The following ABCA3 variants were observed in gnomAD, a reference collection of about 807,000 sequenced individuals.
ABCA3 encodes phospholipid-transporting ATPase ABCA3.
Under a neutral mutation model 172.8 loss-of-function variants are expected in ABCA3, and 88 were observed. That is an observed-to-expected ratio of 0.51 (90% CI 0.43 to 0.61). The LOEUF (loss-of-function observed/expected upper bound fraction) is 0.61, where lower values mean the gene tolerates loss of function less well. Among genes scored for constraint, ABCA3 ranks in the 20% least tolerant of loss-of-function variants. The probability of loss-of-function intolerance (pLI) is 0.00; values close to 1 mark genes in which losing one functional copy is unlikely to be tolerated. For synonymous variants in ABCA3, 1,066 were observed against 983.8 expected, an observed-to-expected ratio of 1.08 and a Z score of -1.56; for missense variants, 2,164 against 2,301.0, an observed-to-expected ratio of 0.94 and a Z score of 1.22.
chr16:2,309,136 T>C (rs539082342), intron 10 of ABCA3, among the ~76,000 whole-genome samples: 5 of 152,180 alleles, frequency 3.3e-5, no homozygotes, highest in East Asian at 3.9e-4. Context: ...TTAGTAGAGA[T>C]AGGGTTTCAC....
intron 10 of ABCA3, among the ~76,000 whole-genome samples, chr16:2,310,364 G>C (rs2093704625): frequency 6.6e-6 from 1 of 151,476 alleles, no homozygotes; most frequent in African/African-American, 2.4e-5. Flanking sequence ...GCCGAGATCG[G>C]GTCACTGCAC....
At chr16:2,304,460 C>T (rs1420624588) in intron 11 of ABCA3, among the ~76,000 whole-genome samples, 9 of 148,518 alleles carry the variant, frequency 6.1e-5, no homozygotes, top group Admixed American at 3.4e-4. Flanking sequence ...TCTATGATTT[C>T]GGTAAGGCCA....
chr16:2,299,964 C>T, intron 13 of ABCA3, 41 bp downstream of exon 13: 1 of 1,609,406 alleles, frequency 6.2e-7, no homozygotes, highest in Non-Finnish European at 8.5e-7. Context: ...TCCCATGGTC[C>T]TGGCAGCCCC....
At chr16:2,310,744 C>T (rs767438226) in intron 10 of ABCA3, among the ~76,000 whole-genome samples, 2 of 151,990 alleles carry the variant, frequency 1.3e-5, no homozygotes, top group African/African-American at 4.8e-5. Flanking sequence ...TGGGCTTGAA[C>T]TCCTGGGCAC....
chr16:2,319,829 C>T lies in ABCA3; in HGVS notation c.625G>A (p.Glu209Lys). Reference sequence around the variant, plus strand: ...GCATGCTGCACGGCCAGGAAGCCTTCCCGGATGTACCCTGGGTGCGGGAGC... The same window carrying T: ...GCATGCTGCACGGCCAGGAAGCCTTTCCGGATGTACCCTGGGTGCGGGAGC... The part of the protein sequence containing the change: ...PDGGEPGYIR[E>K]GFLAVQHAVD... Residue 209 changes from glutamate to lysine, a missense_variant, in exon 8 of 33, where the codon GAA (glutamate) becomes AAA (lysine). By Grantham distance (56) the Glu-to-Lys change is moderately conservative (BLOSUM62 1). Transcript: ENST00000301732. 1 of 1,613,770 alleles carries T rather than the reference C, an allele frequency of 6.2e-7. No individual in the cohort carries two copies. Among genetic ancestry groups the T allele is most frequent in the Non-Finnish European group, 8.5e-7 (1 of 1,180,016 alleles).
In ABCA3 at chr16:2,297,317, C is replaced by T. The variant is rs1173660258; in HGVS notation, c.2263+12G>A. The stretch of plus-strand genomic sequence containing the variant: ...GACACCGACCCTGTCGCGGGCTGGC[C>T]CCACCGCTCACCGTATTTCTGCTTG... On this transcript the variant is annotated intron_variant, in intron 17 of 32. Transcript: ENST00000301732. This position sits in a 1 kb window ranked among gnomAD's most constrained non-coding sequence, Gnocchi z 5.6. 6.2e-7 allele frequency: 1 copy of T among 1,609,200 alleles called. No individual in the cohort carries two copies. The highest frequency in any genetic ancestry group is 1.1e-5 in the South Asian group (1 of 90,972).
chr16:2,289,164 CTCA>C, intron 20 of ABCA3: 1 of 521,674 alleles, frequency 1.9e-6, no homozygotes, highest in Non-Finnish European at 3.4e-6. Context: ...GCTAGAGAGC[CTCA>C]TCAACACAGA....
chr16:2,308,350 A>G (rs2093701032), intron 11 of ABCA3, 100 bp downstream of exon 11: 10 of 1,471,210 alleles, frequency 6.8e-6, no homozygotes, highest in Non-Finnish European at 9.4e-6. Flanking sequence ...CTGCCTGCCA[A>G]CCGTCCCAGG....
chr16:2,317,543 G>C (rs988767540), intron 9 of ABCA3, 105 bp downstream of exon 9: 2 of 1,580,826 alleles, frequency 1.3e-6, no homozygotes, highest in African/African-American at 2.7e-5. Flanking sequence ...ATGAGGGACA[G>C]ACTCTCTCTG....
chr16:2,284,198 C>T lies in ABCA3; in HGVS notation c.3862+81G>A. On this transcript the variant is annotated intron_variant, in intron 25 of 32. Transcript: ENST00000301732. The surrounding 1 kb of genome is among the most constrained non-coding windows in gnomAD (Gnocchi z 5.9). ...CAGGCCACTCAGACGCAGAGGAGCC[C>T]CTGCCCTAGGAGGCCCCTCTGCAGT... 6.7e-7 allele frequency: 1 copy of T among 1,498,252 alleles called. No homozygotes were observed. Among genetic ancestry groups the T allele is most frequent in the South Asian group, 1.3e-5 (1 of 78,200 alleles). The allele number at this position is 1,498,252 out of a possible 1,614,324, so 92.8% of individuals were successfully genotyped here.
intron 19 of ABCA3, among the ~76,000 whole-genome samples, chr16:2,291,335 GA>G (rs949166251): frequency 4.0e-5 from 6 of 151,798 alleles, no homozygotes; most frequent in African/African-American, 1.5e-4. Flanking sequence ...CAAAAAAAAA[GA>G]GATGGGATTT....
rs1400104955 is a variant in ABCA3, at chr16:2,298,032, G to C, written c.1897-111C>G. The C allele has an allele frequency of 5.1e-5, 43 of 837,690 alleles. 14 individuals carry two copies. In the South Asian group the frequency reaches 9.8e-4, roughly 19 times the overall value. 51.9% of individuals were successfully genotyped at this position (837,690 alleles called of 1,614,324 possible). ...TCCTTGACGTAGCTGGGGAGATGCA[G>C]GGCTCCTGGCGGGAGGCCGACCACG... On this transcript the variant is annotated intron_variant, in intron 15 of 32. Coordinates refer to ENST00000301732, the MANE Select transcript of ABCA3 (RefSeq NM_001089.3).
Position 2,284,168 on chromosome 16 carries a change from A to T in ABCA3, c.3862+111T>A. 7.3e-7 allele frequency: 1 copy of T among 1,361,376 alleles called. No individual in the cohort carries two copies. Among genetic ancestry groups the T allele is most frequent in the Non-Finnish European group, 9.9e-7 (1 of 1,010,004 alleles). The allele number at this position is 1,361,376 out of a possible 1,614,324, so 84.3% of individuals were successfully genotyped here. On this transcript the variant is annotated intron_variant, in intron 25 of 32. Coordinates refer to ENST00000301732, the MANE Select transcript of ABCA3 (RefSeq NM_001089.3). The surrounding 1 kb of genome is among the most constrained non-coding windows in gnomAD (Gnocchi z 5.9). ...GCAAGGCGGTACAGAGGAACGCACCAGCCCCAGGCCACTCAGACGCAGAGG... is the reference window on the plus strand; with the variant it reads ...GCAAGGCGGTACAGAGGAACGCACCTGCCCCAGGCCACTCAGACGCAGAGG...
chr16:2,297,398 G>T lies in ABCA3; in HGVS notation c.2194C>A (p.Arg732Ser). The T allele has an allele frequency of 5.6e-6, 9 of 1,613,502 alleles. No homozygotes were observed. Among genetic ancestry groups the T allele is most frequent in the Non-Finnish European group, 6.8e-6 (8 of 1,179,984 alleles). ...TCCCCCTTGGCCATGATGGCGATGCGGTCTCCCAGCAGGTCAGCCTCGTCC... is the reference window on the plus strand; with the variant it reads ...TCCCCCTTGGCCATGATGGCGATGCTGTCTCCCAGCAGGTCAGCCTCGTCC... ...FMDEADLLGD[R>S]IAIMAKGELQ... Residue 732 changes from arginine to serine, a missense_variant, in exon 17 of 33, where the codon CGC becomes AGC. Physicochemically the swap from Arg to Ser is moderately radical, Grantham distance 110. Coordinates refer to ENST00000301732, the MANE Select transcript of ABCA3 (RefSeq NM_001089.3). This position sits in a 1 kb window ranked among gnomAD's most constrained non-coding sequence, Gnocchi z 5.6.
In ABCA3 at chr16:2,284,963, C is replaced by A. The variant is rs202000806; in HGVS notation, c.3519G>T (p.Thr1173=). ...GGGTGTCAGCCATGTGGCCGTCCCGCGTGAAGGCACGCACGTCGAAGGCCT... is the reference window on the plus strand; with the variant it reads ...GGGTGTCAGCCATGTGGCCGTCCCGAGTGAAGGCACGCACGTCGAAGGCCT... ...VFKAFDVRAF[T]RDGHMADTLL... Residue 1173 remains threonine (T), a synonymous_variant, in exon 24 of 33, where the codon ACG becomes ACT. Coordinates refer to ENST00000301732, the MANE Select transcript of ABCA3 (RefSeq NM_001089.3). The surrounding 1 kb of genome is among the most constrained non-coding windows in gnomAD (Gnocchi z 5.9). The A allele has an allele frequency of 1.9e-6, 3 of 1,613,584 alleles. No individual in the cohort carries two copies. The African/African-American group carries it at 4.0e-5, about 22-fold the overall frequency.
In ABCA3 at chr16:2,285,393, G is replaced by C. The variant is rs771628496; in HGVS notation, c.3483+49C>G. ...GTTCTGCACAGGGGTCCCAGGGCAA[G>C]CCCTCTGCGGTCTGCAGGGGAACGG... On this transcript the variant is annotated intron_variant, in intron 23 of 32. Transcript: ENST00000301732. The surrounding 1 kb of genome is among the most constrained non-coding windows in gnomAD (Gnocchi z 4.7). 1.9e-6 allele frequency: 3 copies of C among 1,555,836 alleles called. No individual in the cohort carries two copies. The Admixed American group carries it at 5.7e-5, about 30-fold the overall frequency.
At chr16:2,294,174 C>T (rs1283121220) in intron 18 of ABCA3, among the ~76,000 whole-genome samples, 10 of 150,704 alleles carry the variant, frequency 6.6e-5, no homozygotes, top group East Asian at 2.0e-4. Flanking sequence ...CCCACCACCA[C>T]GCCCGGCTAA....
At chr16:2,335,967 C>T (rs1017048188) in intron 1 of ABCA3, among the ~76,000 whole-genome samples, 3 of 152,182 alleles carry the variant, frequency 2.0e-5, no homozygotes, top group Admixed American at 6.5e-5. Flanking sequence ...GTTCCAAATC[C>T]GGAGACATTT....
chr16:2,293,034 A>G (rs1307602046), intron 18 of ABCA3, among the ~76,000 whole-genome samples: 1 of 152,168 alleles, frequency 6.6e-6, no homozygotes, highest in African/African-American at 2.4e-5. Flanking sequence ...ACAGGAGGTT[A>G]ATTCCTTGAA....
Sources: gnomAD v4.1 joint callset for allele counts (sites outside exome capture counted in the v4.1 genomes callset) on GRCh38, gnomAD v4.1.1 for gene constraint, Gnocchi (gnomAD v3.1) non-coding constraint, MANE v1.5 for transcripts, NCBI Gene and HGNC (gene_info 2026-07-23, HGNC 2026-07-21) for gene names.